The following NMNAT3 variants were observed in gnomAD, a reference collection of about 807,000 sequenced individuals.
The protein encoded by NMNAT3 is nicotinamide/nicotinic acid mononucleotide adenylyltransferase 3.
NMNAT3 carries 21 observed loss-of-function variants against 24.8 expected under a neutral mutation model. The ratio of observed to expected loss-of-function variants is 0.85; its 90% CI spans 0.60 to 1.22. NMNAT3 has a LOEUF of 1.22. Ranked by LOEUF, NMNAT3 falls within the 50% of genes most tolerant of loss-of-function variation. The pLI is 0.00. For missense variants in NMNAT3, 387 were observed against 436.6 expected (o/e 0.89, Z 1.01); for synonymous variants, 136 against 155.2 (o/e 0.88, Z 0.92).
chr3:139,600,824 G>A (rs938221243), intron 3 of NMNAT3, among the ~76,000 whole-genome samples: 6 of 152,150 alleles, frequency 3.9e-5, no homozygotes, highest in Non-Finnish European at 5.9e-5. Context: ...GGGGTGCTCC[G>A]TTGGGGTCCT....
At chr3:139,588,184 T>C (rs767318824) in intron 3 of NMNAT3, among the ~76,000 whole-genome samples, 3 of 152,198 alleles carry the variant, frequency 2.0e-5, no homozygotes, top group Non-Finnish European at 4.4e-5. Context: ...ATACTTCTCC[T>C]GTGACCCTCT....
chr3:139,563,058 C>G (rs1287960589), intron 6 of NMNAT3, among the ~76,000 whole-genome samples: 1 of 152,106 alleles, frequency 6.6e-6, no homozygotes, highest in African/African-American at 2.4e-5. Context: ...TTCACTTATC[C>G]ATTTACTCAT....
At chr3:139,593,655 T>A (rs549484288) in intron 3 of NMNAT3, among the ~76,000 whole-genome samples, 105 of 150,056 alleles carry the variant, frequency 7.0e-4, no homozygotes, top group African/African-American at 2.5e-3. Flanking sequence ...GGATTAAGAA[T>A]CTCACTCAAA....
At chr3:139,646,885 C>A (rs1237075389) in intron 1 of NMNAT3, among the ~76,000 whole-genome samples, 1 of 152,210 alleles carries the variant, frequency 6.6e-6, no homozygotes, top group Non-Finnish European at 1.5e-5. Context: ...CGCTCACGAA[C>A]CTTATCCTTG....
At chr3:139,672,051 A>G (rs1211610868) in intron 1 of NMNAT3, among the ~76,000 whole-genome samples, 1 of 152,208 alleles carries the variant, frequency 6.6e-6, no homozygotes, top group East Asian at 1.9e-4. Context: ...GGCTGATATC[A>G]GGGCTGCTGA....
chr3:139,627,614 A>T lies in NMNAT3; in HGVS notation c.109+2T>A. On this transcript the variant is annotated splice_donor_variant, in intron 3 of 6. Coordinates refer to ENST00000643695, the MANE Select transcript of NMNAT3 (RefSeq NM_001320510.2). LOFTEE classifies it high-confidence loss of function. ...TGTTGGACTCAGGGCCCCCTGACTG[A>T]CCTGTTTGGTGTAGGTGATCTCTGG... 3.2e-6 allele frequency: 5 copies of T among 1,570,006 alleles called. No homozygotes were observed. Among genetic ancestry groups the T allele is most frequent in the Non-Finnish European group, 4.3e-6 (5 of 1,162,182 alleles).
chr3:139,650,176 T>C (rs937993278), intron 1 of NMNAT3, among the ~76,000 whole-genome samples: 6 of 152,192 alleles, frequency 3.9e-5, no homozygotes, highest in Non-Finnish European at 8.8e-5. Flanking sequence ...AAGGAACCAA[T>C]CCCTCTCTCT....
intron 1 of NMNAT3, among the ~76,000 whole-genome samples, chr3:139,642,754 G>A (rs1256869021): frequency 6.6e-6 from 1 of 152,010 alleles, no homozygotes; most frequent in Non-Finnish European, 1.5e-5. Context: ...CCTTCATTGT[G>A]GTGTCCTGAC....
intron 1 of NMNAT3, among the ~76,000 whole-genome samples, chr3:139,638,358 C>T (rs1246325702): frequency 2.6e-5 from 4 of 152,186 alleles, no homozygotes; most frequent in Non-Finnish European, 5.9e-5. Context: ...CTGCCCATAC[C>T]CAACCTGGGG....
chr3:139,656,743 G>T (rs1488106870), intron 1 of NMNAT3, among the ~76,000 whole-genome samples: 1 of 152,184 alleles, frequency 6.6e-6, no homozygotes, highest in Non-Finnish European at 1.5e-5. Context: ...AGTGAGCCAT[G>T]GTTGTGCCAC....
intron 6 of NMNAT3, chr3:139,566,083 G>A (rs1192026235): frequency 1.3e-5 from 2 of 151,880 alleles, no homozygotes; most frequent in South Asian, 2.1e-4. Context: ...ATCTCATTGT[G>A]GTTTTGATTT....
At chr3:139,598,363 T>C (rs968688165) in intron 3 of NMNAT3, among the ~76,000 whole-genome samples, 1 of 152,148 alleles carries the variant, frequency 6.6e-6, no homozygotes, top group African/African-American at 2.4e-5. Flanking sequence ...TGAGGTTAGG[T>C]CATAAAAATG....
intron 1 of NMNAT3, among the ~76,000 whole-genome samples, chr3:139,665,801 GA>G (rs1200603439): frequency 7.8e-4 from 115 of 146,664 alleles, no homozygotes; most frequent in African/African-American, 1.2e-3. Flanking sequence ...TATTTTAAGT[GA>G]AAAAAAAAGC....
intron 2 of NMNAT3, among the ~76,000 whole-genome samples, chr3:139,630,417 G>C (rs76728192): frequency 0.043 from 6,523 of 152,250 alleles, 478 homozygotes; most frequent in African/African-American, 0.15. Context: ...TGCTGAGATG[G>C]CTTCTTTGAC....
chr3:139,627,976 C>T lies in NMNAT3; in HGVS notation c.-40-212G>A, dbSNP rs563881935. 9.2e-5 allele frequency among the ~76,000 whole-genome samples: 14 copies of T among 152,312 alleles called. No individual in the cohort carries two copies. The South Asian group carries it at 1.7e-3, about 18-fold the overall frequency. Reference sequence around the variant, plus strand: ...CCTTCTCTTGCCAAGTCCTTTTTAACGACCCTGAGTGGTTACTCATACAGC... The same window carrying T: ...CCTTCTCTTGCCAAGTCCTTTTTAATGACCCTGAGTGGTTACTCATACAGC... On this transcript the variant is annotated intron_variant, in intron 2 of 6. Coordinates refer to ENST00000643695, the MANE Select transcript of NMNAT3 (RefSeq NM_001320510.2).
rs148267692 is a variant in NMNAT3 at position 139,568,595 on chromosome 3, A to G, written c.658+5003T>C. 1.4e-3 allele frequency: 210 copies of G among 152,238 alleles called. 3 individuals are homozygous for G. The highest frequency in any genetic ancestry group is 4.7e-3 in the African/African-American group (194 of 41,512). The allele number at this position is 152,238 out of a possible 1,614,324, so 9.4% of individuals were successfully genotyped here. A position where few individuals can be genotyped will look rare whatever the true frequency, so the allele number is the denominator to read the frequency against. On this transcript the variant is annotated intron_variant, in intron 6 of 6. Coordinates refer to ENST00000643695, the MANE Select transcript of NMNAT3 (RefSeq NM_001320510.2). Reference sequence around the variant, plus strand: ...TCTTTATTTTTGCCTTCATTTCATTATTTACCCAGTAGTCATTCAGGAGCA... The same window carrying G: ...TCTTTATTTTTGCCTTCATTTCATTGTTTACCCAGTAGTCATTCAGGAGCA...
chr3:139,612,102 A>G (rs1973431), intron 3 of NMNAT3, among the ~76,000 whole-genome samples: 140,833 of 151,450 alleles, frequency 0.93, 66,387 homozygotes, highest in East Asian at 1. Flanking sequence ...GGAAGGCAGA[A>G]GTTGCGGTGA....
chr3:139,643,631 C>G (rs1226927541), intron 1 of NMNAT3, among the ~76,000 whole-genome samples: 1 of 151,940 alleles, frequency 6.6e-6, no homozygotes, highest in African/African-American at 2.4e-5. Context: ...AAGCCAGTCA[C>G]AAAAGAACAA....
At chr3:139,604,567 A>C (rs145432597) in intron 3 of NMNAT3, among the ~76,000 whole-genome samples, 147 of 152,294 alleles carry the variant, frequency 9.7e-4, no homozygotes, top group African/African-American at 3.4e-3. Flanking sequence ...TGGCATGAAG[A>C]GGTTAAATAA....
Sources: gnomAD v4.1 joint callset for allele counts (sites outside exome capture counted in the v4.1 genomes callset) on GRCh38, gnomAD v4.1.1 for gene constraint, MANE v1.5 for transcripts, NCBI Gene and HGNC (gene_info 2026-07-23, HGNC 2026-07-21) for gene names.